The following TRMT2B variants were observed in gnomAD, a reference collection of about 807,000 sequenced individuals.
TRMT2B encodes the protein tRNA methyltransferase 2B.
TRMT2B carries 34 observed loss-of-function variants against 39.7 expected under a neutral mutation model. The ratio of observed to expected loss-of-function variants is 0.86; its 90% CI spans 0.65 to 1.14. TRMT2B has a LOEUF of 1.14. Among genes scored for constraint, TRMT2B ranks in the 50% most tolerant of loss-of-function variants. TRMT2B has a pLI of 0.00. For missense variants in TRMT2B, 318 were observed against 377.2 expected (o/e 0.84, Z 1.30); for synonymous variants, 132 against 137.3 (o/e 0.96, Z 0.27).
At chrX:100,980,094 T>A in the TRMT2B span, among the ~76,000 whole-genome samples, 5 of 110,566 alleles carry the variant, frequency 4.5e-5, no homozygotes, top group Non-Finnish European at 7.6e-5. Flanking sequence ...TGGCAACTAT[T>A]TCCTGGCTAT....
the TRMT2B span, among the ~76,000 whole-genome samples, chrX:101,004,263 AAACAAC>A: frequency 0.18 from 19,483 of 105,549 alleles, 1,434 homozygotes; most frequent in South Asian, 0.24. Context: ...GTTTTTGGGA[AAACAAC>A]AACAACAACA....
chrX:101,003,547 C>A, the TRMT2B span, among the ~76,000 whole-genome samples: 1 of 110,979 alleles, frequency 9.0e-6, no homozygotes. Context: ...TAAGGTTTCA[C>A]CATGTTGGTC....
the TRMT2B span, among the ~76,000 whole-genome samples, chrX:101,002,055 A>C: frequency 9.0e-6 from 1 of 111,483 alleles, no homozygotes; most frequent in Non-Finnish European, 1.9e-5. Flanking sequence ...AACCACTTGC[A>C]AATGCATGGG....
the TRMT2B span, among the ~76,000 whole-genome samples, chrX:100,977,754 C>G: frequency 1.8e-5 from 2 of 112,079 alleles, no homozygotes; most frequent in Non-Finnish European, 3.8e-5. Context: ...TGAGAACATA[C>G]GAAATTTATC....
intron 7 of TRMT2B, among the ~76,000 whole-genome samples, chrX:101,032,306 G>A (rs2087524934): frequency 1.0e-5 from 1 of 99,866 alleles, no homozygotes; most frequent in Admixed American, 1.2e-4. Flanking sequence ...CAGGAAGAGG[G>A]GCTGGGTGCG....
At chrX:100,994,352 T>C in the TRMT2B span, among the ~76,000 whole-genome samples, 1 of 111,922 alleles carries the variant, frequency 8.9e-6, no homozygotes, top group African/African-American at 3.2e-5. Context: ...CCAAGATGTT[T>C]AGAATGTAGC....
chrX:100,984,709 AAAAG>A, the TRMT2B span, among the ~76,000 whole-genome samples: 1 of 112,010 alleles, frequency 8.9e-6, no homozygotes, highest in South Asian at 3.7e-4. Flanking sequence ...AGCAAGCACA[AAAAG>A]AGGTGAAGGA....
intron 7 of TRMT2B, among the ~76,000 whole-genome samples, chrX:101,034,865 C>G (rs889564117): frequency 9.0e-6 from 1 of 110,866 alleles, no homozygotes; most frequent in African/African-American, 3.3e-5. Context: ...AAACCCATCT[C>G]TACTAAAAAT....
the TRMT2B span, among the ~76,000 whole-genome samples, chrX:100,975,631 C>CTTTT: frequency 1.0e-5 from 1 of 97,932 alleles, no homozygotes; most frequent in Non-Finnish European, 2.1e-5. Flanking sequence ...ATTTTCTTTG[C>CTTTT]TTTTTTTTTT....
At chrX:101,032,124 A>C (rs2087506552) in intron 7 of TRMT2B, among the ~76,000 whole-genome samples, 1 of 110,669 alleles carries the variant, frequency 9.0e-6, no homozygotes, top group Non-Finnish European at 1.9e-5. Flanking sequence ...CATCTCTGCT[A>C]AAAATACAAA....
At chrX:101,002,682 G>C in the TRMT2B span, among the ~76,000 whole-genome samples, 1 of 109,558 alleles carries the variant, frequency 9.1e-6, no homozygotes, top group East Asian at 2.9e-4. Flanking sequence ...GGGAGGCTGA[G>C]GCAGGAGAAC....
rs555718003 is a variant in TRMT2B at position 101,021,367 on chromosome X, G to A, written c.852-52C>T. ...TCTTGAGCTGTGAGCGGTGGCTCAC[G>A]CCTGTAATCCCAGCACTTTGGGAGG... On this transcript the variant is annotated intron_variant, in intron 9 of 13. Transcript: ENST00000372936. 2.4e-5 allele frequency: 26 copies of A among 1,071,781 alleles called. No individual in the cohort carries two copies. The South Asian group carries it at 4.9e-4, about 20-fold the overall frequency. The allele number at this position is 1,071,781 out of a possible 1,213,427, so 88.3% of individuals were successfully genotyped here.
chrX:100,997,372 C>T, the TRMT2B span, among the ~76,000 whole-genome samples: 1 of 112,203 alleles, frequency 8.9e-6, no homozygotes, highest in Non-Finnish European at 1.9e-5. Context: ...TTCTGGTACA[C>T]TGATCAAAAC....
chrX:101,013,034 TG>T (rs2086337229), intron 13 of TRMT2B, among the ~76,000 whole-genome samples: 1 of 110,817 alleles, frequency 9.0e-6, no homozygotes. Flanking sequence ...TTGGCCAGGC[TG>T]GTCTCAAACT....
intron 8 of TRMT2B, 141 bp downstream of exon 8, chrX:101,023,329 C>T: frequency 1.6e-6 from 1 of 606,878 alleles, no homozygotes; most frequent in Admixed American, 2.7e-5. Context: ...TCTCCTCATC[C>T]CTAACCCCTC....
At chrX:100,997,526 CA>C in the TRMT2B span, among the ~76,000 whole-genome samples, 1 of 111,002 alleles carries the variant, frequency 9.0e-6, no homozygotes, top group African/African-American at 3.3e-5. Flanking sequence ...GGTTAGTTTA[CA>C]AAAAAAATCC....
At chrX:101,044,397 G>A (rs573927500) in intron 2 of TRMT2B, among the ~76,000 whole-genome samples, 1 of 112,007 alleles carries the variant, frequency 8.9e-6, no homozygotes, top group East Asian at 2.8e-4. Flanking sequence ...ATTTCATTGA[G>A]TGTCTATAAG....
At chrX:100,973,786 T>C in the TRMT2B span, 573 of 1,159,233 alleles carry the variant, frequency 4.9e-4, 1 homozygote, top group Middle Eastern at 5.1e-3. Flanking sequence ...TATTCCACTA[T>C]TTCCTCCCAC....
chrX:101,040,615 C>T (rs2088171534), intron 4 of TRMT2B, among the ~76,000 whole-genome samples: 1 of 111,744 alleles, frequency 8.9e-6, no homozygotes, highest in Non-Finnish European at 1.9e-5. Flanking sequence ...ACAAATTTCT[C>T]TTTTCTAAAT....
Sources: allele counts gnomAD v4.1 joint callset (sites outside exome capture counted in the v4.1 genomes callset), GRCh38; gene constraint gnomAD v4.1.1; transcripts MANE v1.5; gene names NCBI Gene and HGNC (gene_info 2026-07-23, HGNC 2026-07-21).